The following SCN1B variants were observed in gnomAD, a reference collection of about 807,000 sequenced individuals.
SCN1B encodes the protein sodium voltage-gated channel beta subunit 1, also known as sodium channel regulatory subunit beta-1.
In SCN1B, 11 loss-of-function variants were observed where a neutral mutation model predicts 25.7. That is an observed-to-expected ratio of 0.43 (90% confidence interval 0.27 to 0.71). The LOEUF (loss-of-function observed/expected upper bound fraction) is 0.71. Ranked by LOEUF, SCN1B falls within the 30% of genes least tolerant of loss-of-function variation. The pLI is 0.21. For missense variants in SCN1B, 224 were observed against 291.5 expected, an observed-to-expected ratio of 0.77 and a Z score of 1.69; for synonymous variants, 119 against 117.5, an observed-to-expected ratio of 1.01 and a Z score of -0.08.
chr19:35,035,668 T>C (rs1161226919), intron 3 of SCN1B: 1 of 152,258 alleles, frequency 6.6e-6, no homozygotes, highest in African/African-American at 2.4e-5. Context: ...GCATTTACCA[T>C]CATATGCAGT....
Position 35,032,209 on chromosome 19 carries a change from G to A in SCN1B, c.41-319G>A, listed in dbSNP as rs2064218120. On this transcript the variant is annotated intron_variant, in intron 1 of 5. Transcript: ENST00000262631. This position sits in a 1 kb window ranked among gnomAD's most constrained non-coding sequence, Gnocchi z 4.3. ...GACTTTCTGAGGAAGGGGCACTCGG[G>A]TAGCATAAAGTCTGAGTTACCGGCA... is the stretch of plus-strand genomic sequence containing the variant. Among the ~76,000 whole-genome samples, 1 of 152,230 alleles carries A rather than the reference G, an allele frequency of 6.6e-6. No individual in the cohort carries two copies. The highest frequency in any genetic ancestry group is 2.4e-5 in the African/African-American group (1 of 41,456).
intron 3 of SCN1B, chr19:35,036,279 T>C (rs2064247253): frequency 6.6e-6 from 1 of 152,140 alleles, no homozygotes; most frequent in Non-Finnish European, 1.5e-5. Context: ...AAATTAATCC[T>C]ATTGTAGCAT....
Position 35,038,567 on chromosome 19 carries a change from C to T in SCN1B, c.449-550C>T, listed in dbSNP as rs1037316225. The T allele has an allele frequency of 1.7e-4, 33 of 191,628 alleles. 1 individual carries two copies. Among genetic ancestry groups the T allele is most frequent in the Non-Finnish European group, 1.9e-4 (17 of 90,792 alleles). The allele number at this position is 191,628 out of a possible 1,614,324, so 11.9% of individuals were successfully genotyped here. Reference sequence around the variant, plus strand: ...TCACACAGCTAGTAAGAGGCAGAGCCGGGATTTGAACCCTGGCAGTCTGGC... The same window carrying T: ...TCACACAGCTAGTAAGAGGCAGAGCTGGGATTTGAACCCTGGCAGTCTGGC... On this transcript the variant is annotated intron_variant, in intron 3 of 5. Coordinates refer to ENST00000262631, the MANE Select transcript of SCN1B (RefSeq NM_001037.5).
chr19:35,034,332 C>A, intron 3 of SCN1B: 2 of 659,532 alleles, frequency 3.0e-6, no homozygotes, highest in Non-Finnish European at 5.0e-6. Context: ...TCTCACTCAA[C>A]ACCTCTGGGG....
intron 3 of SCN1B, chr19:35,037,307 C>T (rs914988333): frequency 6.6e-6 from 1 of 152,162 alleles, no homozygotes; most frequent in Admixed American, 6.6e-5. Flanking sequence ...TTTGGATCCA[C>T]ACAACGGGAG....
Position 35,040,014 on chromosome 19 carries a change from G to C in SCN1B, c.*223G>C, listed in dbSNP as rs967201916. ...CGGCCGCGCACCGCCATGCATGATGGGTAAAGCAATACTGCCGCTGCCCCC... is the reference window on the plus strand; with the variant it reads ...CGGCCGCGCACCGCCATGCATGATGCGTAAAGCAATACTGCCGCTGCCCCC... On this transcript the variant is annotated 3_prime_UTR_variant, in exon 6 of 6. Coordinates refer to ENST00000262631, the MANE Select transcript of SCN1B (RefSeq NM_001037.5). 3.3e-5 allele frequency: 15 copies of C among 456,530 alleles called. No homozygotes were observed. The highest frequency in any genetic ancestry group is 3.1e-4 in the Admixed American group (9 of 29,286). The allele number at this position is 456,530 out of a possible 1,614,324, so 28.3% of individuals were successfully genotyped here.
At chr19:35,038,008 G>A (rs189264597) in intron 3 of SCN1B, 1 of 151,934 alleles carries the variant, frequency 6.6e-6, no homozygotes, top group East Asian at 2.0e-4. Context: ...AGGAAGGAAT[G>A]AGAGGGAAAC....
rs749830952 is a variant in SCN1B, at chr19:35,033,950, C to G, written c.448+211C>G. The G allele has an allele frequency of 2.2e-5, 34 of 1,554,400 alleles. No individual in the cohort carries two copies. The highest frequency in any genetic ancestry group is 3.0e-5 in the Non-Finnish European group (34 of 1,148,326). ...AGCCCACGGAGAGGTCAAAGCATGC[C>G]TGTCCCCCACAGACGCTCCGGGTAC... On this transcript the variant is annotated intron_variant, in intron 3 of 5. Coordinates refer to ENST00000262631, the MANE Select transcript of SCN1B (RefSeq NM_001037.5).
In SCN1B at chr19:35,032,580, G is replaced by T; in HGVS notation, c.93G>T (p.Val31=). The change falls in exon 2 of 6, where the codon GTG becomes GTT. Residue 31 remains valine, a synonymous_variant. Transcript: ENST00000262631. This position sits in a 1 kb window ranked among gnomAD's most constrained non-coding sequence, Gnocchi z 4.3. ...AGGTGGACTCGGAGACCGAGGCCGT[G>T]TATGGGATGACCTTCAAAATTCTTT... is the stretch of plus-strand genomic sequence containing the variant. ...CVEVDSETEA[V]YGMTFKILCI... 1.9e-6 allele frequency: 3 copies of T among 1,614,118 alleles called. No individual in the cohort carries two copies. Among genetic ancestry groups the T allele is most frequent in the Non-Finnish European group, 1.7e-6 (2 of 1,180,046 alleles).
In SCN1B at chr19:35,030,817, A is replaced by G; in HGVS notation, c.-4A>G. On this transcript the variant is annotated 5_prime_UTR_variant, in exon 1 of 6. Coordinates refer to ENST00000262631, the MANE Select transcript of SCN1B (RefSeq NM_001037.5). ...GAGGGGGGCGCAGCACGCGCCGCGC[A>G]GCCATGGGGAGGCTGCTGGCCTTAG... 3 of 1,077,636 alleles carry G rather than the reference A, an allele frequency of 2.8e-6. No individual in the cohort carries two copies. The highest frequency in any genetic ancestry group is 2.2e-5 in the South Asian group (1 of 45,580). 66.8% of individuals were successfully genotyped at this position (1,077,636 alleles called of 1,614,324 possible). A position where few individuals can be genotyped will look rare whatever the true frequency, so the allele number is the denominator to read the frequency against.
Position 35,030,789 on chromosome 19 carries a change from CG to C in SCN1B, c.-29del. 1 of 979,346 alleles carries C rather than the reference CG, an allele frequency of 1.0e-6. No homozygotes were observed. The highest frequency in any genetic ancestry group is 1.3e-6 in the Non-Finnish European group (1 of 746,196). 60.7% of individuals were successfully genotyped at this position (979,346 alleles called of 1,614,324 possible). A position where few individuals can be genotyped will look rare whatever the true frequency, so the allele number is the denominator to read the frequency against. On this transcript the variant is annotated 5_prime_UTR_variant, in exon 1 of 6. Coordinates refer to ENST00000262631, the MANE Select transcript of SCN1B (RefSeq NM_001037.5). ...CGCCCCGCTATTAATACCGGCGGCCCGGGAGGGGGGCGCAGCACGCGCCGCG... is the reference window on the plus strand; with the variant it reads ...CGCCCCGCTATTAATACCGGCGGCCCGGAGGGGGGCGCAGCACGCGCCGCG...
chr19:35,036,169 A>G (rs1032541874), intron 3 of SCN1B: 1 of 151,828 alleles, frequency 6.6e-6, no homozygotes, highest in Non-Finnish European at 1.5e-5. Flanking sequence ...CGCCTGGCCT[A>G]CAGTATTTTT....
At position 35,039,987 on chromosome 19, in the gene SCN1B, G is replaced by A. The variant is rs2064276741; in HGVS notation, c.*196G>A. 1 of 522,996 alleles carries A rather than the reference G, an allele frequency of 1.9e-6. No individual in the cohort carries two copies. Among genetic ancestry groups the A allele is most frequent in the South Asian group, 2.0e-5 (1 of 48,910 alleles). The allele number at this position is 522,996 out of a possible 1,614,324, so 32.4% of individuals were successfully genotyped here. ...TTTCGCCTCCTCCAGCTCCTGCCCC[G>A]CCGGCCGCGCACCGCCATGCATGAT... On this transcript the variant is annotated 3_prime_UTR_variant, in exon 6 of 6. Coordinates refer to ENST00000262631, the MANE Select transcript of SCN1B (RefSeq NM_001037.5).
At chr19:35,035,275 T>C (rs2064240787) in intron 3 of SCN1B, 1 of 151,974 alleles carries the variant, frequency 6.6e-6, no homozygotes, top group Non-Finnish European at 1.5e-5. Context: ...AGCCTCTTTT[T>C]TTTTTTTTTT....
In SCN1B at chr19:35,030,858, T is replaced by C. The variant is rs786205834; in HGVS notation, c.38T>C (p.Leu13Pro). 3 of 870,084 alleles carry C rather than the reference T, an allele frequency of 3.4e-6. No homozygotes were observed. Among genetic ancestry groups the C allele is most frequent in the South Asian group, 4.8e-5 (1 of 20,950 alleles). The allele number at this position is 870,084 out of a possible 1,614,324, so 53.9% of individuals were successfully genotyped here. The part of the protein sequence containing the change: ...RLLALVVGAA[L>P]VSSACGGCVE... Reference sequence around the variant, plus strand: ...CTGGCCTTAGTGGTCGGCGCGGCACTGGGTGAGTGCGCGGGGGGCGCGCGC... The same window carrying C: ...CTGGCCTTAGTGGTCGGCGCGGCACCGGGTGAGTGCGCGGGGGGCGCGCGC... The change falls in exon 1 of 6, where the codon CTG (leucine) becomes CCG (proline). Residue 13 changes from leucine (L) to proline (P), a missense_variant and splice_region_variant. Physicochemically the swap from Leu to Pro is moderately conservative, Grantham distance 98 (BLOSUM62 -3). Transcript: ENST00000262631.
chr19:35,034,207 A>G (rs1191124114), intron 3 of SCN1B: 6 of 1,523,086 alleles, frequency 3.9e-6, no homozygotes, highest in African/African-American at 1.4e-5. Flanking sequence ...TTACTGTTCG[A>G]GTAGCTCAGC....
At chr19:35,034,363 A>C in intron 3 of SCN1B, 1 of 526,044 alleles carries the variant, frequency 1.9e-6, no homozygotes, top group Non-Finnish European at 3.4e-6. Flanking sequence ...GGTCCTTTCT[A>C]AAGCTCTCAG....
At position 35,039,847 on chromosome 19, in the gene SCN1B, GCA is replaced by G. The variant is rs72550273; in HGVS notation, c.*58_*59del. 2.4e-3 allele frequency: 2,032 copies of G among 835,520 alleles called. 27 individuals are homozygous for G. The highest frequency in any genetic ancestry group is 0.016 in the South Asian group (1,012 of 62,936). The allele number at this position is 835,520 out of a possible 1,614,324, so 51.8% of individuals were successfully genotyped here. On this transcript the variant is annotated 3_prime_UTR_variant, in exon 6 of 6. Coordinates refer to ENST00000262631, the MANE Select transcript of SCN1B (RefSeq NM_001037.5). ...GCCAGCCGTAATGGGGACTCTCCAG[GCA>G]CCGCCTGCCCCCAGCGTGGGGGTGG...
In SCN1B at chr19:35,040,097, G is replaced by A; in HGVS notation, c.*306G>A. The A allele has an allele frequency of 7.0e-6, 2 of 286,934 alleles. No individual in the cohort carries two copies. The highest frequency in any genetic ancestry group is 1.4e-5 in the Non-Finnish European group (2 of 145,732). The allele number at this position is 286,934 out of a possible 1,614,324, so 17.8% of individuals were successfully genotyped here. ...GCGGTGAGGTGGGGGCAGCGGCCCC[G>A]CACCCCTCCTCCTTGCTGATTTGCA... On this transcript the variant is annotated 3_prime_UTR_variant, in exon 6 of 6. Transcript: ENST00000262631.
Sources: allele counts gnomAD v4.1 joint callset (sites outside exome capture counted in the v4.1 genomes callset), GRCh38; gene constraint gnomAD v4.1.1; non-coding constraint Gnocchi (gnomAD v3.1); transcripts MANE v1.5; gene names NCBI Gene and HGNC (gene_info 2026-07-23, HGNC 2026-07-21).